Variants in ERGIC3 observed in about 807,000 individuals in gnomAD.
The protein encoded by ERGIC3 is endoplasmic reticulum-Golgi intermediate compartment protein 3.
In ERGIC3, 33 loss-of-function variants were observed where a neutral mutation model predicts 54.7. The ratio of observed to expected loss-of-function variants is 0.60; its 90% CI spans 0.46 to 0.81. ERGIC3 has a LOEUF of 0.81. Among genes scored for constraint, ERGIC3 ranks in the 30% least tolerant of loss-of-function variants. The pLI is 0.00. For synonymous variants in ERGIC3, 186 were observed against 189.8 expected (o/e 0.98, Z 0.16); for missense variants, 399 against 488.4 (o/e 0.82, Z 1.73).
At chr20:35,542,754 C>T (rs755544738) in intron 3 of ERGIC3, 68 bp from the exon 4 acceptor site, 2 of 1,612,834 alleles carry the variant, frequency 1.2e-6, no homozygotes, top group Non-Finnish European at 1.7e-6. Flanking sequence ...GTATCCCCTT[C>T]CCCTCCAAAA....
chr20:35,542,777 TGTCCCTAGGGTCCCAGTAC>T (rs746723599), intron 3 of ERGIC3, 26 bp from the exon 4 acceptor site: 7 of 1,613,936 alleles, frequency 4.3e-6, no homozygotes, highest in Non-Finnish European at 5.9e-6. Context: ...CACATCCCCT[TGTCCCTAGGGTCCCAGTAC>T]CTTAGCCTGA....
At chr20:35,547,330 G>T in intron 4 of ERGIC3, 82 bp from the exon 5 acceptor site, 2 of 1,021,628 alleles carry the variant, frequency 2.0e-6, no homozygotes, top group Non-Finnish European at 3.1e-6. Flanking sequence ...TTATCCCTAA[G>T]CAAAGGGCTT....
chr20:35,542,262 C>T, intron 1 of ERGIC3, 61 bp from the exon 2 acceptor site: 1 of 1,612,344 alleles, frequency 6.2e-7, no homozygotes, highest in Non-Finnish European at 8.5e-7. Context: ...CTCTGACTGG[C>T]CTGCCGGTGT....
chr20:35,557,210 C>T lies in ERGIC3; in HGVS notation c.1033C>T (p.Leu345=), dbSNP rs1378678190. The change falls in exon 12 of 13, where the codon CTG becomes TTG. Residue 345 remains leucine, a synonymous_variant. Transcript: ENST00000348547. Reference sequence around the variant, plus strand: ...TTCTACCAGGTCCTTCACCCACTTCCTGACAGGTGTGTGCGCCATCATTGG... The same window carrying T: ...TTCTACCAGGTCCTTCACCCACTTCTTGACAGGTGTGTGCGCCATCATTGG... ...TEKHRSFTHF[L]TGVCAIIGGM... 3.7e-6 allele frequency: 6 copies of T among 1,614,084 alleles called. No individual in the cohort carries two copies. In the African/African-American group the frequency reaches 8.0e-5, roughly 22 times the overall value.
At chr20:35,547,198 A>G (rs1039283492) in intron 4 of ERGIC3, 4 of 521,532 alleles carry the variant, frequency 7.7e-6, no homozygotes, top group Non-Finnish European at 1.4e-5. Flanking sequence ...GCTAATGTTC[A>G]GTATTTACTG....
intron 8 of ERGIC3, 69 bp from the exon 9 acceptor site, chr20:35,555,964 G>A (rs1006465910): frequency 2.8e-5 from 41 of 1,453,810 alleles, no homozygotes; most frequent in East Asian, 6.8e-5. Flanking sequence ...CTCCGCAGAC[G>A]GACCCAGGTG....
At chr20:35,542,979 C>G in intron 4 of ERGIC3, 38 bp downstream of exon 4, 3 of 1,612,550 alleles carry the variant, frequency 1.9e-6, no homozygotes. Flanking sequence ...GATCCCAAAG[C>G]TGGATGTACC....
intron 12 of ERGIC3, 76 bp downstream of exon 12, chr20:35,557,325 G>A: frequency 6.2e-7 from 1 of 1,610,358 alleles, no homozygotes; most frequent in Non-Finnish European, 8.5e-7. Flanking sequence ...GGTTGGGGGT[G>A]AAGGGGCAGA....
At chr20:35,545,355 C>G (rs2064643017) in intron 4 of ERGIC3, 1 of 151,146 alleles carries the variant, frequency 6.6e-6, no homozygotes, top group African/African-American at 2.4e-5. Flanking sequence ...GTCAGGAGTT[C>G]AAGACCAGCC....
intron 8 of ERGIC3, among the ~76,000 whole-genome samples, chr20:35,555,827 A>AG (rs1399376644): frequency 2.0e-5 from 3 of 151,724 alleles, no homozygotes; most frequent in Admixed American, 1.3e-4. Context: ...AAAAAAAAAA[A>AG]AAAGAAAAAT....
rs534588976 is a variant in ERGIC3 at position 35,542,972 on chromosome 20, C to T, written c.367+31C>T. 2.5e-6 allele frequency: 4 copies of T among 1,612,896 alleles called. No homozygotes were observed. The South Asian group carries it at 4.4e-5, about 18-fold the overall frequency. Reference sequence around the variant, plus strand: ...CAGGGGAGGGGGCCGGGTCTCAGATCCCAAAGCTGGATGTACCCAAGCCTA... The same window carrying T: ...CAGGGGAGGGGGCCGGGTCTCAGATTCCAAAGCTGGATGTACCCAAGCCTA... On this transcript the variant is annotated intron_variant, in intron 4 of 12. Transcript: ENST00000348547.
chr20:35,556,293 CAG>C, intron 10 of ERGIC3, 22 bp downstream of exon 10: 1 of 1,613,498 alleles, frequency 6.2e-7, no homozygotes, highest in Admixed American at 1.7e-5. Flanking sequence ...AGCTCCCTAC[CAG>C]AGTCTCCTGC....
At chr20:35,544,034 C>T (rs1270364563) in intron 4 of ERGIC3, 1 of 216,794 alleles carries the variant, frequency 4.6e-6, no homozygotes, top group South Asian at 7.3e-5. Context: ...ATCTATCTAT[C>T]TATCTATCTA....
chr20:35,548,846 C>T lies in ERGIC3; in HGVS notation c.666C>T (p.Phe222=). 6.2e-7 allele frequency: 1 copy of T among 1,614,206 alleles called. No homozygotes were observed. The highest frequency in any genetic ancestry group is 8.5e-7 in the Non-Finnish European group (1 of 1,180,024). The change falls in exon 7 of 13, where the codon TTC becomes TTT. Residue 222 remains phenylalanine, a synonymous_variant. Transcript: ENST00000348547. ...TCCACTTTGCCCCTGGGAAGAGCTTCCAGCAGTCCCATGTGCACGGTGAGT... is the reference window on the plus strand; with the variant it reads ...TCCACTTTGCCCCTGGGAAGAGCTTTCAGCAGTCCCATGTGCACGGTGAGT... ...GNFHFAPGKS[F]QQSHVHVHDL...
intron 7 of ERGIC3, among the ~76,000 whole-genome samples, chr20:35,552,214 C>T (rs567593583): frequency 1.3e-5 from 2 of 152,134 alleles, no homozygotes; most frequent in South Asian, 4.2e-4. Flanking sequence ...CTGAGTCTTC[C>T]CATCTTCTCC....
intron 2 of ERGIC3, 59 bp from the exon 3 acceptor site, chr20:35,542,454 G>A (rs1291870762): frequency 6.2e-7 from 1 of 1,613,678 alleles, no homozygotes; most frequent in East Asian, 2.2e-5. Flanking sequence ...GACCTTTAGG[G>A]GTGGGAGTGG....
intron 4 of ERGIC3, 155 bp downstream of exon 4, chr20:35,543,096 G>A: frequency 9.6e-7 from 1 of 1,039,692 alleles, no homozygotes; most frequent in Non-Finnish European, 1.4e-6. Context: ...GCTAGTAAGA[G>A]TCAGAGTGAG....
At chr20:35,548,386 G>C (rs968582030) in intron 5 of ERGIC3, 123 bp from the exon 6 acceptor site, 6 of 1,007,088 alleles carry the variant, frequency 6.0e-6, no homozygotes, top group African/African-American at 3.2e-5. Context: ...AATGTTTGGT[G>C]GTCAGGGATG....
At chr20:35,546,735 CTAAA>C (rs2064650880) in intron 4 of ERGIC3, among the ~76,000 whole-genome samples, 3 of 152,050 alleles carry the variant, frequency 2.0e-5, no homozygotes, top group Admixed American at 1.3e-4. Flanking sequence ...ATTTCGGGTA[CTAAA>C]TAGTGAACTT....
Sources: gnomAD v4.1 joint callset for allele counts (sites outside exome capture counted in the v4.1 genomes callset) on GRCh38, gnomAD v4.1.1 for gene constraint, MANE v1.5 for transcripts, NCBI Gene and HGNC (gene_info 2026-07-23, HGNC 2026-07-21) for gene names.